Variants in TRPC4AP observed in about 807,000 individuals in gnomAD.
TRPC4AP encodes the protein short transient receptor potential channel 4-associated protein.
A neutral mutation model predicts 99.0 loss-of-function variants in TRPC4AP; 45 were observed. The observed-to-expected ratio is 0.45, with a 90% CI of 0.36 to 0.58. The LOEUF (loss-of-function observed/expected upper bound fraction) is 0.58. TRPC4AP is among the 20% of genes least tolerant of loss of function. The pLI is 0.00. For synonymous variants in TRPC4AP, 408 were observed against 385.8 expected (o/e 1.06, Z -0.67); for missense variants, 879 against 985.3 (o/e 0.89, Z 1.44).
chr20:35,048,428 AG>A (rs1334368175), intron 6 of TRPC4AP, among the ~76,000 whole-genome samples: 1 of 152,124 alleles, frequency 6.6e-6, no homozygotes, highest in Admixed American at 6.5e-5. Flanking sequence ...CATGATGGCC[AG>A]GCTGTTCTCA....
intron 16 of TRPC4AP, among the ~76,000 whole-genome samples, 190 bp from the exon 17 acceptor site, chr20:35,004,760 T>C (rs1430297873): frequency 1.3e-5 from 2 of 152,172 alleles, no homozygotes; most frequent in African/African-American, 4.8e-5. Flanking sequence ...AAAGCCATGT[T>C]CTCAGAGTGC....
intron 1 of TRPC4AP, among the ~76,000 whole-genome samples, chr20:35,088,217 C>A (rs1045378741): frequency 1.3e-5 from 2 of 152,216 alleles, no homozygotes; most frequent in Admixed American, 6.5e-5. Flanking sequence ...GTCCTCACCA[C>A]AACCTTGGAA....
intron 9 of TRPC4AP, among the ~76,000 whole-genome samples, chr20:35,017,796 C>T (rs558177947): frequency 7.2e-5 from 11 of 152,284 alleles, no homozygotes; most frequent in South Asian, 4.1e-4. Flanking sequence ...AAAGTAATTG[C>T]GATTTTTGCC....
intron 3 of TRPC4AP, among the ~76,000 whole-genome samples, chr20:35,064,596 C>T (rs1333385612): frequency 6.6e-6 from 1 of 152,238 alleles, no homozygotes; most frequent in Non-Finnish European, 1.5e-5. Context: ...CTGGGCTCAG[C>T]TTTCTGCACA....
intron 1 of TRPC4AP, among the ~76,000 whole-genome samples, chr20:35,088,728 G>A (rs2084956306): frequency 6.6e-6 from 1 of 152,118 alleles, no homozygotes; most frequent in Non-Finnish European, 1.5e-5. Context: ...ATTCAATTCA[G>A]GTCCACCTTA....
chr20:35,065,263 A>G (rs1328445260), intron 3 of TRPC4AP, among the ~76,000 whole-genome samples: 1 of 152,182 alleles, frequency 6.6e-6, no homozygotes, highest in Non-Finnish European at 1.5e-5. Context: ...GAAACACTCA[A>G]TGGGAGAGGA....
At chr20:35,083,214 GCA>G (rs1338924229) in intron 1 of TRPC4AP, among the ~76,000 whole-genome samples, 1 of 152,050 alleles carries the variant, frequency 6.6e-6, no homozygotes, top group African/African-American at 2.4e-5. Flanking sequence ...ATTTTTAAAT[GCA>G]GTTTTAAAAA....
At chr20:35,003,765 G>A (rs979946318) in intron 17 of TRPC4AP, 149 bp from the exon 18 acceptor site, 1 of 874,006 alleles carries the variant, frequency 1.1e-6, no homozygotes, top group Non-Finnish European at 1.7e-6. Flanking sequence ...AGATAGGACT[G>A]GGGGAAGGGG....
At chr20:35,031,800 T>C (rs1270220074) in intron 8 of TRPC4AP, among the ~76,000 whole-genome samples, 4 of 152,338 alleles carry the variant, frequency 2.6e-5, no homozygotes, top group Non-Finnish European at 4.4e-5. Flanking sequence ...GTTTAATCTC[T>C]ATCAACCTAT....
Position 35,092,747 on chromosome 20 carries a change from G to C in TRPC4AP, c.35C>G (p.Ala12Gly), listed in dbSNP as rs747738013. Reference sequence around the variant, plus strand: ...GGCTGCCGACCGTCTCCCTCGGCCGGCTCCAGACCCAGCCGCTACCGGCGC... The same window carrying C: ...GGCTGCCGACCGTCTCCCTCGGCCGCCTCCAGACCCAGCCGCTACCGGCGC... ...AAAPVAAGSGAGRGRRSAATV... is the reference protein window; with the variant it reads ...AAAPVAAGSGGGRGRRSAATV... The change falls in exon 1 of 19, where the codon GCC becomes GGC. Residue 12 changes from alanine (A) to glycine (G), a missense_variant. By Grantham distance (60) the Ala-to-Gly change is moderately conservative. Coordinates refer to ENST00000252015, the MANE Select transcript of TRPC4AP (RefSeq NM_015638.3). 2 of 1,556,466 alleles carry C rather than the reference G, an allele frequency of 1.3e-6. No individual in the cohort carries two copies. The highest frequency in any genetic ancestry group is 1.7e-6 in the Non-Finnish European group (2 of 1,162,960).
At chr20:35,061,250 T>A (rs1401982602) in intron 3 of TRPC4AP, among the ~76,000 whole-genome samples, 1 of 152,014 alleles carries the variant, frequency 6.6e-6, no homozygotes, top group East Asian at 1.9e-4. Context: ...TAAAGGAGCA[T>A]CAAAAACAGT....
Position 35,021,228 on chromosome 20 carries a change from C to T in TRPC4AP, c.1180G>A (p.Val394Ile). The change falls in exon 9 of 19, where the codon GTC (valine) becomes ATC (isoleucine). Residue 394 changes from valine to isoleucine, a missense_variant. Around this residue, in one of 3 missense-constraint regions of TRPC4AP, gnomAD observed 603 missense variants for 631.8 expected, o/e 0.95. Transcript: ENST00000252015. ...EIMYKLEVLY[V>I]LCVLLMGRQR... ...CGCCCCATCAGCAGCACGCAGAGGA[C>T]ATAGAGCACTTCCAGTTTGTACATG... 6.2e-7 allele frequency: 1 copy of T among 1,614,120 alleles called. No individual in the cohort carries two copies. The highest frequency in any genetic ancestry group is 8.5e-7 in the Non-Finnish European group (1 of 1,180,010).
At chr20:35,053,763 CA>C (rs1425433128) in intron 5 of TRPC4AP, among the ~76,000 whole-genome samples, 2 of 152,158 alleles carry the variant, frequency 1.3e-5, no homozygotes, top group African/African-American at 4.8e-5. Context: ...GTTAGAATGA[CA>C]ATATTCTTGA....
intron 13 of TRPC4AP, among the ~76,000 whole-genome samples, chr20:35,007,916 G>A (rs371961369): frequency 7.9e-5 from 12 of 152,142 alleles, no homozygotes; most frequent in Non-Finnish European, 1.6e-4. Flanking sequence ...TGGCTCCTGC[G>A]AGCCCCCGTG....
At chr20:35,051,134 T>TA (rs1198488584) in intron 5 of TRPC4AP, among the ~76,000 whole-genome samples, 1 of 152,150 alleles carries the variant, frequency 6.6e-6, no homozygotes, top group Non-Finnish European at 1.5e-5. Context: ...TTTCTTTTTT[T>TA]TAGCCTCTAA....
At chr20:35,084,164 T>C (rs2084732772) in intron 1 of TRPC4AP, among the ~76,000 whole-genome samples, 1 of 150,852 alleles carries the variant, frequency 6.6e-6, no homozygotes, top group African/African-American at 2.4e-5. Context: ...TAGCCAGACT[T>C]GGTGGCGGGC....
chr20:35,057,057 A>G (rs1242600092), intron 4 of TRPC4AP, among the ~76,000 whole-genome samples: 1 of 151,960 alleles, frequency 6.6e-6, no homozygotes, highest in African/African-American at 2.4e-5. Flanking sequence ...ATAATAGAAT[A>G]TTACCCATAT....
At chr20:35,089,843 CTAAAAAA>C (rs976400157) in intron 1 of TRPC4AP, among the ~76,000 whole-genome samples, 19 of 151,996 alleles carry the variant, frequency 1.3e-4, no homozygotes, top group Non-Finnish European at 2.2e-4. Context: ...GAGACTCCGT[CTAAAAAA>C]TAAAAAATAA....
intron 9 of TRPC4AP, among the ~76,000 whole-genome samples, chr20:35,016,784 C>G (rs1390146706): frequency 1.3e-5 from 2 of 152,174 alleles, no homozygotes; most frequent in Non-Finnish European, 2.9e-5. Flanking sequence ...ATATGACAAA[C>G]AGAGAACATA....
Sources: allele counts gnomAD v4.1 joint callset (sites outside exome capture counted in the v4.1 genomes callset), GRCh38; gene constraint gnomAD v4.1.1; regional missense constraint gnomAD v4.1.1; transcripts MANE v1.5; gene names NCBI Gene and HGNC (gene_info 2026-07-23, HGNC 2026-07-21).